The following TMEM114 variants were observed in gnomAD, a reference collection of about 807,000 sequenced individuals.
TMEM114 encodes the protein transmembrane protein 114.
A neutral mutation model predicts 6.2 loss-of-function variants in TMEM114; 6 were observed. The ratio of observed to expected loss-of-function variants is 0.97; its 90% CI spans 0.53 to 1.91. The LOEUF (loss-of-function observed/expected upper bound fraction) is 1.91, where lower values mean the gene tolerates loss of function less well. TMEM114 is among the 40% of genes most tolerant of loss of function. The pLI is 0.01. For synonymous variants in TMEM114, 104 were observed against 73.0 expected (o/e 1.42, Z -2.16); for missense variants, 218 against 158.3 (o/e 1.38, Z -2.02).
At chr16:8,542,809 C>A (rs78480120) in intron 2 of TMEM114, among the ~76,000 whole-genome samples, 24,540 of 152,102 alleles carry the variant, frequency 0.16, 2,101 homozygotes, top group South Asian at 0.22. Flanking sequence ...ACTCCCCAAT[C>A]CTCCCAGCTC....
At chr16:8,580,514 A>G (rs1203935885) in intron 2 of TMEM114, among the ~76,000 whole-genome samples, 4 of 151,678 alleles carry the variant, frequency 2.6e-5, no homozygotes, top group Non-Finnish European at 1.5e-5. Flanking sequence ...AAAAAAAGAA[A>G]AAAAAAGGAA....
Position 8,538,133 on chromosome 16 carries a change from C to CAAAAAA in TMEM114, n.213-313_213-308dup, listed in dbSNP as rs59194084. Among the ~76,000 whole-genome samples, 176 of 75,788 alleles carry CAAAAAA rather than the reference C, an allele frequency of 2.3e-3. 7 individuals are homozygous for CAAAAAA. Among genetic ancestry groups the CAAAAAA allele is most frequent in the Middle Eastern group, 9.1e-3 (1 of 110 alleles). 49.7% of individuals were successfully genotyped at this position (75,788 alleles called of 152,430 possible). A position where few individuals can be genotyped will look rare whatever the true frequency, so the allele number is the denominator to read the frequency against. ...GGACAGCATGGTGTGACTGTCTCTA[C>CAAAAAA]AAAAAAAAAAAAAAAAAAAAACTTC... On this transcript the variant is annotated intron_variant and non_coding_transcript_variant, in intron 2 of 2. Coordinates refer to the TMEM114 transcript ENST00000623677.
chr16:8,547,190 A>T lies in TMEM114; in HGVS notation n.213-9364T>A, dbSNP rs117782233. Among the ~76,000 whole-genome samples the T allele has an allele frequency of 1.4e-4, 21 of 152,224 alleles. No individual in the cohort carries two copies. In the East Asian group the frequency reaches 3.5e-3, roughly 25 times the overall value. On this transcript the variant is annotated intron_variant and non_coding_transcript_variant, in intron 2 of 2. Coordinates refer to the TMEM114 transcript ENST00000623677. ...AGGAATTTTTGAGCTGAAAGTTGTC[A>T]TGATTTTTGCATTAAAGACACCATC...
rs77351108 is a variant in TMEM114 at position 8,547,696 on chromosome 16, G to A, written n.213-9870C>T. ...ATGAGCCACCGCACCCAGCCAGCAC[G>A]CTCTCTTTACTGAACACAAAGGTTG... On this transcript the variant is annotated intron_variant and non_coding_transcript_variant, in intron 2 of 2. Transcript: ENST00000623677. 4.6e-5 allele frequency among the ~76,000 whole-genome samples: 7 copies of A among 152,112 alleles called. No individual in the cohort carries two copies. In the East Asian group the frequency reaches 5.8e-4, roughly 13 times the overall value.
At chr16:8,583,607 G>C (rs1902223394) in intron 2 of TMEM114, among the ~76,000 whole-genome samples, 1 of 152,102 alleles carries the variant, frequency 6.6e-6, no homozygotes, top group Non-Finnish European at 1.5e-5. Flanking sequence ...AATTAGTTGG[G>C]TGTAATGGTG....
At chr16:8,581,852 T>G (rs1567210736) in intron 2 of TMEM114, among the ~76,000 whole-genome samples, 1 of 152,238 alleles carries the variant, frequency 6.6e-6, no homozygotes, top group Non-Finnish European at 1.5e-5. Context: ...GCTCAGGCCC[T>G]TGTGCCCAGA....
chr16:8,538,697 G>A (rs1900432446), intron 2 of TMEM114, among the ~76,000 whole-genome samples: 1 of 151,996 alleles, frequency 6.6e-6, no homozygotes, highest in African/African-American at 2.4e-5. Context: ...TAGTAGAGAT[G>A]GGGTTTCACC....
intron 2 of TMEM114, among the ~76,000 whole-genome samples, chr16:8,554,275 G>A (rs1281416056): frequency 3.3e-5 from 5 of 152,140 alleles, no homozygotes; most frequent in African/African-American, 9.7e-5. Flanking sequence ...AAGGGGTAGG[G>A]GCGGACAGAG....
chr16:8,526,759 C>G, the TMEM114 span: 1 of 152,186 alleles, frequency 6.6e-6, no homozygotes, highest in African/African-American at 2.4e-5. Flanking sequence ...AATGCAAGAG[C>G]AGATGGATAC....
intron 2 of TMEM114, among the ~76,000 whole-genome samples, chr16:8,540,698 G>T (rs1448645972): frequency 6.6e-6 from 1 of 152,232 alleles, no homozygotes; most frequent in Non-Finnish European, 1.5e-5. Context: ...CCAGTGGTAA[G>T]CAAAGACAGA....
chr16:8,585,275 G>A (rs979660955), intron 2 of TMEM114, among the ~76,000 whole-genome samples: 3 of 152,204 alleles, frequency 2.0e-5, no homozygotes, highest in African/African-American at 7.2e-5. Flanking sequence ...AATTCAAGAT[G>A]ACATTTGGGT....
intron 2 of TMEM114, among the ~76,000 whole-genome samples, chr16:8,545,978 G>C (rs1900653606): frequency 6.6e-6 from 1 of 151,960 alleles, no homozygotes; most frequent in African/African-American, 2.4e-5. Flanking sequence ...AGCTGAGTGT[G>C]GTGGTGTGTG....
intron 2 of TMEM114, among the ~76,000 whole-genome samples, chr16:8,547,370 C>G (rs540119600): frequency 6.9e-6 from 1 of 145,608 alleles, no homozygotes; most frequent in African/African-American, 2.6e-5. Context: ...TGAAGAGACG[C>G]GCTTTCTTTC....
At chr16:8,560,611 T>G (rs1013566470) in intron 2 of TMEM114, among the ~76,000 whole-genome samples, 1 of 151,828 alleles carries the variant, frequency 6.6e-6, no homozygotes, top group Non-Finnish European at 1.5e-5. Context: ...GAGGCTGGAG[T>G]TCGAGTCTCA....
At chr16:8,555,515 T>G (rs1415279057) in intron 2 of TMEM114, among the ~76,000 whole-genome samples, 1 of 152,168 alleles carries the variant, frequency 6.6e-6, no homozygotes, top group Non-Finnish European at 1.5e-5. Flanking sequence ...GGGCAGTAAT[T>G]TCTGGGTGTT....
At position 8,590,205 on chromosome 16, in the gene TMEM114, G is replaced by A. The variant is rs934110754; in HGVS notation, c.-367C>T. On this transcript the variant is annotated 5_prime_UTR_variant, in exon 1 of 4. Coordinates refer to ENST00000620492, the MANE Select transcript of TMEM114 (RefSeq NM_001146336.2). ...GCACCTTAACCCACCTCGTCCCTCA[G>A]CCCCACTCCACCCTCGGCCCTCCAC... 10,147 of 212,502 alleles carry A rather than the reference G, an allele frequency of 0.048. 301 individuals carry two copies. Among genetic ancestry groups the A allele is most frequent in the Non-Finnish European group, 0.056 (6,060 of 107,732 alleles). The allele number at this position is 212,502 out of a possible 1,614,324, so 13.2% of individuals were successfully genotyped here. A position where few individuals can be genotyped will look rare whatever the true frequency, so the allele number is the denominator to read the frequency against.
At chr16:8,528,673 G>T in the TMEM114 span, among the ~76,000 whole-genome samples, 2 of 152,184 alleles carry the variant, frequency 1.3e-5, no homozygotes, top group Non-Finnish European at 2.9e-5. Flanking sequence ...TGCATTGTCA[G>T]CTTTCAACAT....
At chr16:8,555,439 C>G (rs188227235) in intron 2 of TMEM114, among the ~76,000 whole-genome samples, 1 of 150,754 alleles carries the variant, frequency 6.6e-6, no homozygotes, top group Non-Finnish European at 1.5e-5. Flanking sequence ...AGCAGCCTTT[C>G]AGAATCAGCT....
intron 2 of TMEM114, among the ~76,000 whole-genome samples, chr16:8,542,537 T>C (rs1266590108): frequency 1.3e-5 from 2 of 152,156 alleles, no homozygotes. Context: ...AAATTCTAAA[T>C]ATGTAAGAAC....
Sources: gnomAD v4.1 joint callset for allele counts (sites outside exome capture counted in the v4.1 genomes callset) on GRCh38, gnomAD v4.1.1 for gene constraint, MANE v1.5 for transcripts, NCBI Gene and HGNC (gene_info 2026-07-23, HGNC 2026-07-21) for gene names.